The following TNIP3 variants were observed in gnomAD, a reference collection of about 807,000 sequenced individuals.
TNIP3 encodes the protein TNFAIP3-interacting protein 3.
In TNIP3, 34 loss-of-function variants were observed where a neutral mutation model predicts 54.1. That is an observed-to-expected ratio of 0.63 (90% CI 0.48 to 0.84). TNIP3 has a LOEUF of 0.84. Among genes scored for constraint, TNIP3 ranks in the 40% least tolerant of loss-of-function variants. The probability of loss-of-function intolerance (pLI) is 0.00; values close to 1 mark genes in which losing one functional copy is unlikely to be tolerated. For synonymous variants in TNIP3, 134 were observed against 136.8 expected, an observed-to-expected ratio of 0.98 and a Z score of 0.14; for missense variants, 366 against 387.6, an observed-to-expected ratio of 0.94 and a Z score of 0.47.
intron 2 of TNIP3, among the ~76,000 whole-genome samples, chr4:121,199,770 GA>G (rs926821958): frequency 3.9e-5 from 6 of 152,152 alleles, no homozygotes; most frequent in Non-Finnish European, 5.9e-5. Context: ...GATAAGAAAG[GA>G]AACCAAGGAA....
intron 3 of TNIP3, among the ~76,000 whole-genome samples, chr4:121,157,822 C>T (rs1730207697): frequency 6.6e-6 from 1 of 152,168 alleles, no homozygotes; most frequent in Non-Finnish European, 1.5e-5. Context: ...TGTCTTCACA[C>T]ACCTGCAAGC....
chr4:121,226,111 G>A (rs1466401491), intron 1 of TNIP3, among the ~76,000 whole-genome samples: 1 of 151,380 alleles, frequency 6.6e-6, no homozygotes, highest in Non-Finnish European at 1.5e-5. Context: ...CAGAAGGGGA[G>A]ACAGAAAGAG....
rs766057452 is a variant in TNIP3 at position 121,154,596 on chromosome 4, G to A, written c.447C>T (p.Asn149=). 7.4e-6 allele frequency: 12 copies of A among 1,613,684 alleles called. No homozygotes were observed. Among genetic ancestry groups the A allele is most frequent in the Non-Finnish European group, 9.3e-6 (11 of 1,179,930 alleles). ...KLLKGKNTLA[N]KEKEHYECEI... is the part of the protein sequence containing the mutation. ...CACATTCGTAATGTTCCTTTTCCTT[G>A]TTCGCAAGAGTATTTTTTCCCTTTA... is the stretch of plus-strand genomic sequence containing the variant. Residue 149 remains asparagine (N), a synonymous_variant, in exon 5 of 11, where the codon AAC becomes AAT. Transcript: ENST00000057513.
intron 2 of TNIP3, among the ~76,000 whole-genome samples, chr4:121,188,158 C>T (rs1361505263): frequency 6.6e-6 from 1 of 152,110 alleles, no homozygotes; most frequent in Non-Finnish European, 1.5e-5. Context: ...TTCTTCACAG[C>T]TTATTTTAAA....
chr4:121,220,340 T>C (rs1293185571), upstream of TNIP3, among the ~76,000 whole-genome samples: 1 of 152,218 alleles, frequency 6.6e-6, no homozygotes, highest in Non-Finnish European at 1.5e-5. Flanking sequence ...TAAGGAGAGA[T>C]CTATTAGTGG....
At chr4:121,216,671 A>G, upstream of TNIP3, 1 of 1,399,142 alleles carries the variant, frequency 7.1e-7, no homozygotes. Context: ...GACAGACCAC[A>G]AGCCTGCCTT....
chr4:121,154,428 T>G, intron 5 of TNIP3, 123 bp downstream of exon 5: 5 of 1,237,500 alleles, frequency 4.0e-6, no homozygotes, highest in Non-Finnish European at 5.7e-6. Flanking sequence ...CACAGATAAT[T>G]TCTTGTGCAA....
At chr4:121,137,717 AT>A (rs1728872215) in intron 10 of TNIP3, 2 of 319,224 alleles carry the variant, frequency 6.3e-6, no homozygotes, top group South Asian at 2.7e-5. Flanking sequence ...TAAAAACTAG[AT>A]TTCTGTGATC....
chr4:121,220,524 C>CT (rs1159885252), upstream of TNIP3, among the ~76,000 whole-genome samples: 1 of 152,092 alleles, frequency 6.6e-6, no homozygotes, highest in Non-Finnish European at 1.5e-5. Context: ...TCATCCAATT[C>CT]AAATTTGGTA....
chr4:121,226,766 C>T (rs538680149), intron 1 of TNIP3, among the ~76,000 whole-genome samples: 16 of 152,282 alleles, frequency 1.1e-4, no homozygotes, highest in African/African-American at 3.8e-4. Flanking sequence ...GTTTATTTTG[C>T]AATCTCGTTT....
chr4:121,180,348 C>T (rs1007093955), intron 3 of TNIP3, among the ~76,000 whole-genome samples: 8 of 151,836 alleles, frequency 5.3e-5, no homozygotes, highest in Admixed American at 1.3e-4. Context: ...TGCAGTGAGC[C>T]GAGATCGCAC....
chr4:121,193,450 TTAAAA>T (rs1725407072), intron 2 of TNIP3, among the ~76,000 whole-genome samples: 1 of 152,134 alleles, frequency 6.6e-6, no homozygotes. Context: ...GATGCAAATG[TTAAAA>T]TAAACATAAG....
intron 10 of TNIP3, among the ~76,000 whole-genome samples, chr4:121,135,459 G>A (rs1560631900): frequency 6.6e-6 from 1 of 151,896 alleles, no homozygotes; most frequent in Non-Finnish European, 1.5e-5. Context: ...GCGCAGTGGC[G>A]TGATCTCACC....
intron 2 of TNIP3, among the ~76,000 whole-genome samples, chr4:121,215,677 C>T (rs1726747798): frequency 6.6e-6 from 1 of 152,114 alleles, no homozygotes; most frequent in Non-Finnish European, 1.5e-5. Flanking sequence ...ATCCCACTCT[C>T]TGGAAATCTC....
chr4:121,216,507 T>G (rs7663440), intron 1 of TNIP3: 1,319,741 of 1,535,304 alleles, frequency 0.86, 567,654 homozygotes, highest in South Asian at 0.91. Flanking sequence ...GAATCTAAAA[T>G]AAAAAAATAT....
At chr4:121,140,719 A>C (rs1729066161) in intron 9 of TNIP3, among the ~76,000 whole-genome samples, 1 of 152,210 alleles carries the variant, frequency 6.6e-6, no homozygotes, top group South Asian at 2.1e-4. Flanking sequence ...TTGAAAAAAA[A>C]ATTTAATGTT....
chr4:121,227,365 C>G, intron 1 of TNIP3: 1 of 1,534,640 alleles, frequency 6.5e-7, no homozygotes, highest in Non-Finnish European at 8.7e-7. Context: ...AGTAAAGGCA[C>G]AAGACATTAT....
intron 2 of TNIP3, among the ~76,000 whole-genome samples, chr4:121,184,348 G>C (rs1724888183): frequency 6.6e-6 from 1 of 152,204 alleles, no homozygotes; most frequent in Non-Finnish European, 1.5e-5. Context: ...CTTGTTGAGA[G>C]TAGCTCACAG....
chr4:121,133,292 T>C (rs749983937), intron 10 of TNIP3, among the ~76,000 whole-genome samples: 6 of 152,236 alleles, frequency 3.9e-5, no homozygotes, highest in Non-Finnish European at 8.8e-5. Flanking sequence ...GCTGAATGTT[T>C]TGTACTTGTT....
Sources: allele counts gnomAD v4.1 joint callset (sites outside exome capture counted in the v4.1 genomes callset), GRCh38; gene constraint gnomAD v4.1.1; transcripts MANE v1.5; gene names NCBI Gene and HGNC (gene_info 2026-07-23, HGNC 2026-07-21).